Variants in DSCAM observed in about 807,000 individuals in gnomAD.
DSCAM encodes DS cell adhesion molecule.
A neutral mutation model predicts 217.7 loss-of-function variants in DSCAM; 47 were observed. The ratio of observed to expected loss-of-function variants is 0.22; its 90% CI spans 0.17 to 0.28. The LOEUF (loss-of-function observed/expected upper bound fraction) is 0.28, where lower values mean the gene tolerates loss of function less well. Ranked by LOEUF, DSCAM falls within the 10% of genes least tolerant of loss-of-function variation. DSCAM has a pLI of 1.00. For synonymous variants in DSCAM, 1,056 were observed against 1,015.3 expected (o/e 1.04, Z -0.76); for missense variants, 2,080 against 2,618.3 (o/e 0.79, Z 4.49).
intron 3 of DSCAM, among the ~76,000 whole-genome samples, chr21:40,687,905 A>G (rs551500837): frequency 6.6e-6 from 1 of 152,304 alleles, no homozygotes; most frequent in Non-Finnish European, 1.5e-5. Context: ...TGCGTGATCT[A>G]TGATGCCCAG....
chr21:40,538,724 G>A (rs1253913687), intron 3 of DSCAM, among the ~76,000 whole-genome samples: 2 of 152,276 alleles, frequency 1.3e-5, no homozygotes, highest in Admixed American at 1.3e-4. Context: ...AGGCCGTGGT[G>A]TTCAAATCAG....
At chr21:40,680,591 T>TATACTGTA (rs2090390550) in intron 3 of DSCAM, among the ~76,000 whole-genome samples, 1 of 152,240 alleles carries the variant, frequency 6.6e-6, no homozygotes, top group Non-Finnish European at 1.5e-5. Context: ...ATAGCTTCTT[T>TATACTGTA]TCAAAGAACA....
chr21:40,203,024 C>T (rs565350572), intron 11 of DSCAM, among the ~76,000 whole-genome samples: 327 of 152,304 alleles, frequency 2.1e-3, no homozygotes, highest in Non-Finnish European at 3.9e-3. Context: ...TTAATACCTA[C>T]AGCAATCCTA....
chr21:40,514,410 C>T (rs572270268), intron 3 of DSCAM, among the ~76,000 whole-genome samples: 1 of 152,338 alleles, frequency 6.6e-6, no homozygotes, highest in Admixed American at 6.5e-5. Flanking sequence ...GAAACTCACA[C>T]TGGATTAGCG....
At chr21:40,674,570 TG>T (rs1230782783) in intron 3 of DSCAM, among the ~76,000 whole-genome samples, 2 of 151,866 alleles carry the variant, frequency 1.3e-5, no homozygotes, top group African/African-American at 4.8e-5. Context: ...CCCCTGGCAA[TG>T]GATTGTTTTG....
chr21:40,268,913 GC>G (rs916088623), intron 11 of DSCAM, among the ~76,000 whole-genome samples: 3 of 152,106 alleles, frequency 2.0e-5, no homozygotes, highest in African/African-American at 7.2e-5. Context: ...CACCATATGT[GC>G]CCAGGTCCGA....
intron 3 of DSCAM, among the ~76,000 whole-genome samples, chr21:40,375,335 C>G (rs1314776376): frequency 6.6e-6 from 1 of 152,236 alleles, no homozygotes; most frequent in Non-Finnish European, 1.5e-5. Flanking sequence ...GATGGAATCC[C>G]ACTAGACCTA....
intron 5 of DSCAM, 83 bp from the exon 6 acceptor site, chr21:40,348,028 A>G: frequency 6.9e-7 from 1 of 1,445,688 alleles, no homozygotes; most frequent in South Asian, 1.4e-5. Flanking sequence ...CTTTCAACAA[A>G]GCAAGTGCAT....
At chr21:40,394,329 T>C (rs1184631225) in intron 3 of DSCAM, among the ~76,000 whole-genome samples, 1 of 152,252 alleles carries the variant, frequency 6.6e-6, no homozygotes, top group African/African-American at 2.4e-5. Context: ...CAAGATTGCA[T>C]AGGTTGAGGA....
intron 20 of DSCAM, among the ~76,000 whole-genome samples, chr21:40,095,883 G>A (rs1419871497): frequency 6.6e-6 from 1 of 152,060 alleles, no homozygotes; most frequent in African/African-American, 2.4e-5. Context: ...GATACAAAAA[G>A]ACCTAAATTA....
intron 3 of DSCAM, among the ~76,000 whole-genome samples, chr21:40,491,009 CAT>C (rs943271861): frequency 3.3e-5 from 5 of 152,174 alleles, no homozygotes; most frequent in African/African-American, 1.2e-4. Flanking sequence ...GGAATTCAAA[CAT>C]AAAACTTCAC....
rs748999322 is a variant in DSCAM at position 40,179,134 on chromosome 21, G to C, written c.2780-40C>G. The C allele has an allele frequency of 2.2e-6, 3 of 1,369,976 alleles. No individual in the cohort carries two copies. The South Asian group carries it at 3.7e-5, about 17-fold the overall frequency. 84.9% of individuals were successfully genotyped at this position (1,369,976 alleles called of 1,614,324 possible). ...TTTTCAAAAAAGAAGAGATAGAGAC[G>C]TGAGTTTTTTTCCTCTGCCTTTGAA... is the stretch of plus-strand genomic sequence containing the variant. On this transcript the variant is annotated intron_variant, in intron 14 of 32. Coordinates refer to ENST00000400454, the MANE Select transcript of DSCAM (RefSeq NM_001389.5).
intron 1 of DSCAM, among the ~76,000 whole-genome samples, chr21:40,754,459 T>C (rs2091256769): frequency 6.6e-6 from 1 of 152,202 alleles, no homozygotes; most frequent in Admixed American, 6.5e-5. Context: ...AGACGGTCAA[T>C]GAAGGGCACA....
intron 3 of DSCAM, among the ~76,000 whole-genome samples, chr21:40,443,914 C>T (rs567639996): frequency 2.6e-5 from 4 of 152,278 alleles, no homozygotes; most frequent in African/African-American, 9.6e-5. Flanking sequence ...TTATGTCAAG[C>T]TTTCTGGCTG....
intron 3 of DSCAM, among the ~76,000 whole-genome samples, chr21:40,613,989 C>T: frequency 6.6e-6 from 1 of 152,170 alleles, no homozygotes; most frequent in Admixed American, 6.5e-5. Context: ...ACTCTGAGTC[C>T]TCCTAATCCA....
At chr21:40,802,386 C>T (rs4818180) in intron 1 of DSCAM, among the ~76,000 whole-genome samples, 1 of 152,130 alleles carries the variant, frequency 6.6e-6, no homozygotes, top group Non-Finnish European at 1.5e-5. Flanking sequence ...TGTGGACTTT[C>T]GACTTCCGAG....
In DSCAM at chr21:40,017,237, C is replaced by T. The variant is rs117313289; in HGVS notation, c.5687-3851G>A. ...ATTACCCGTCTTGAAAATTTTTTTC[C>T]GCGAACAACAGGAGCAATGACCTTA... On this transcript the variant is annotated intron_variant, in intron 32 of 32. Transcript: ENST00000400454. Among the ~76,000 whole-genome samples, 274 of 152,014 alleles carry T rather than the reference C, an allele frequency of 1.8e-3. 1 individual carries two copies. Among genetic ancestry groups the T allele is most frequent in the Middle Eastern group, 6.8e-3 (2 of 294 alleles).
intron 3 of DSCAM, among the ~76,000 whole-genome samples, chr21:40,634,419 A>C (rs1226466989): frequency 3.3e-5 from 5 of 152,200 alleles, no homozygotes; most frequent in Non-Finnish European, 5.9e-5. Flanking sequence ...ACCAGCATGC[A>C]GTGGTACTAC....
At chr21:40,150,059 T>C (rs1011426211) in intron 16 of DSCAM, among the ~76,000 whole-genome samples, 1 of 152,240 alleles carries the variant, frequency 6.6e-6, no homozygotes, top group African/African-American at 2.4e-5. Context: ...TTTTTCCCAT[T>C]GTAATTGGTG....
Sources: gnomAD v4.1 joint callset for allele counts (sites outside exome capture counted in the v4.1 genomes callset) on GRCh38, gnomAD v4.1.1 for gene constraint, MANE v1.5 for transcripts, NCBI Gene and HGNC (gene_info 2026-07-23, HGNC 2026-07-21) for gene names.